CNTN4: variants seen among roughly 807,000 people sequenced by gnomAD.
The protein encoded by CNTN4 is contactin 4.
Under a neutral mutation model 122.5 loss-of-function variants are expected in CNTN4, and 77 were observed. The ratio of observed to expected loss-of-function variants is 0.63; its 90% confidence interval spans 0.52 to 0.76. The LOEUF (loss-of-function observed/expected upper bound fraction) is 0.76, where lower values mean the gene tolerates loss of function less well. CNTN4 is among the 30% of genes least tolerant of loss of function. The probability of loss-of-function intolerance (pLI) is 0.00; values close to 1 mark genes in which losing one functional copy is unlikely to be tolerated. For synonymous variants in CNTN4, 512 were observed against 447.0 expected, an observed-to-expected ratio of 1.15 and a Z score of -1.83; for missense variants, 1,256 against 1,259.1, an observed-to-expected ratio of 1.00 and a Z score of 0.04.
chr3:2,356,362 A>G (rs560576589), intron 3 of CNTN4, among the ~76,000 whole-genome samples: 14 of 152,338 alleles, frequency 9.2e-5, no homozygotes, highest in Admixed American at 3.9e-4. Flanking sequence ...TGAGTTTTCC[A>G]GTAAAGGGAT....
chr3:2,398,588 G>T (rs887451035), intron 3 of CNTN4, among the ~76,000 whole-genome samples: 1 of 152,160 alleles, frequency 6.6e-6, no homozygotes, highest in African/African-American at 2.4e-5. Context: ...ATACTGTGTT[G>T]AGTAGACTGT....
intron 2 of CNTN4, among the ~76,000 whole-genome samples, chr3:2,171,661 A>T (rs1412814614): frequency 1.3e-5 from 2 of 152,224 alleles, no homozygotes; most frequent in Non-Finnish European, 2.9e-5. Context: ...TCTGAATGAC[A>T]TATCCCAAAG....
intron 4 of CNTN4, among the ~76,000 whole-genome samples, chr3:2,717,857 G>C (rs2063894): frequency 0.14 from 20,517 of 151,886 alleles, 1,949 homozygotes; most frequent in East Asian, 0.38. Flanking sequence ...TTCTTTAATA[G>C]CCAGTCTACT....
At chr3:2,615,508 T>C (rs529802801) in intron 4 of CNTN4, among the ~76,000 whole-genome samples, 10 of 152,178 alleles carry the variant, frequency 6.6e-5, no homozygotes, top group Non-Finnish European at 1.3e-4. Context: ...TTAAAAGCCC[T>C]ATTCTTAATT....
At chr3:2,419,153 G>A (rs1462523230) in intron 3 of CNTN4, among the ~76,000 whole-genome samples, 1 of 152,122 alleles carries the variant, frequency 6.6e-6, no homozygotes, top group East Asian at 1.9e-4. Context: ...TTGAGTAATA[G>A]TTTATATTCC....
chr3:2,705,901 AT>A (rs2086696330), intron 4 of CNTN4, among the ~76,000 whole-genome samples: 1 of 62,660 alleles, frequency 1.6e-5, no homozygotes, highest in Admixed American at 2.9e-4. Flanking sequence ...TATAAAATAT[AT>A]ATTATATATA....
intron 6 of CNTN4, among the ~76,000 whole-genome samples, chr3:2,782,463 TTCTGTGTG>T (rs2091635584): frequency 8.6e-6 from 1 of 116,168 alleles, no homozygotes; most frequent in Non-Finnish European, 1.8e-5. Flanking sequence ...TACCTTCTTA[TTCTGTGTG>T]TGTGTGTGTG....
chr3:2,275,367 C>T (rs2041463890), intron 2 of CNTN4, among the ~76,000 whole-genome samples: 1 of 152,170 alleles, frequency 6.6e-6, no homozygotes, highest in African/African-American at 2.4e-5. Flanking sequence ...GTCCATTAGA[C>T]ATCCTCATAA....
chr3:2,795,056 T>G (rs901398268), intron 6 of CNTN4, among the ~76,000 whole-genome samples: 9 of 152,196 alleles, frequency 5.9e-5, no homozygotes, highest in Non-Finnish European at 7.4e-5. Flanking sequence ...AATACCATAA[T>G]TCTCTGTCCA....
chr3:2,950,800 G>T (rs2094732946), intron 13 of CNTN4, among the ~76,000 whole-genome samples: 1 of 152,178 alleles, frequency 6.6e-6, no homozygotes, highest in Non-Finnish European at 1.5e-5. Flanking sequence ...TATTTCCACA[G>T]CCCATGAACT....
chr3:2,198,561 C>T (rs1409787959), intron 2 of CNTN4, among the ~76,000 whole-genome samples: 1 of 151,850 alleles, frequency 6.6e-6, no homozygotes, highest in African/African-American at 2.4e-5. Flanking sequence ...TATTTATTTC[C>T]AAATATCCAA....
At chr3:2,697,119 T>A (rs2086082092) in intron 4 of CNTN4, among the ~76,000 whole-genome samples, 1 of 152,178 alleles carries the variant, frequency 6.6e-6, no homozygotes, top group Admixed American at 6.5e-5. Context: ...GAATTCACAG[T>A]GTGTGTTGCC....
intron 4 of CNTN4, among the ~76,000 whole-genome samples, chr3:2,722,219 A>C (rs1162158195): frequency 6.6e-6 from 1 of 152,212 alleles, no homozygotes; most frequent in East Asian, 1.9e-4. Context: ...TGACCTTTCA[A>C]CAAGCTATGT....
chr3:2,672,757 A>C (rs2084606594), intron 4 of CNTN4, among the ~76,000 whole-genome samples: 1 of 152,160 alleles, frequency 6.6e-6, no homozygotes, highest in Non-Finnish European at 1.5e-5. Flanking sequence ...TAAATATGCA[A>C]CTTTCCATTG....
chr3:2,846,794 C>T (rs926561438), intron 7 of CNTN4, among the ~76,000 whole-genome samples: 12 of 152,046 alleles, frequency 7.9e-5, no homozygotes, highest in East Asian at 1.9e-4. Context: ...GTTGGGAGTT[C>T]GAGACCACCC....
intron 3 of CNTN4, among the ~76,000 whole-genome samples, chr3:2,410,270 T>G (rs1204218538): frequency 1.3e-5 from 2 of 152,244 alleles, no homozygotes; most frequent in Non-Finnish European, 2.9e-5. Context: ...TAACTCATCC[T>G]TCTCACAACA....
At chr3:2,843,236 G>T (rs924220484) in intron 7 of CNTN4, among the ~76,000 whole-genome samples, 1 of 152,110 alleles carries the variant, frequency 6.6e-6, no homozygotes, top group Non-Finnish European at 1.5e-5. Flanking sequence ...TGAAATTTGG[G>T]TGATAGTCTT....
At chr3:2,198,847 A>G (rs1294996509) in intron 2 of CNTN4, among the ~76,000 whole-genome samples, 2 of 152,182 alleles carry the variant, frequency 1.3e-5, no homozygotes, top group East Asian at 3.9e-4. Flanking sequence ...ATCACAAAAG[A>G]TACTAGTTTT....
intron 13 of CNTN4, among the ~76,000 whole-genome samples, chr3:2,932,601 G>A (rs1011245719): frequency 2.6e-5 from 4 of 152,038 alleles, no homozygotes; most frequent in African/African-American, 7.2e-5. Flanking sequence ...GAAAAAGTGA[G>A]GGAGGCAAGT....
Sources: gnomAD v4.1 joint callset for allele counts (sites outside exome capture counted in the v4.1 genomes callset) on GRCh38, gnomAD v4.1.1 for gene constraint, MANE v1.5 for transcripts, NCBI Gene and HGNC (gene_info 2026-07-23, HGNC 2026-07-21) for gene names.